The following ICE1 variants were observed in gnomAD, a reference collection of about 807,000 sequenced individuals.
ICE1 encodes little elongation complex subunit 1.
Under a neutral mutation model 192.7 loss-of-function variants are expected in ICE1, and 64 were observed. That is an observed-to-expected ratio of 0.33 (90% CI 0.27 to 0.41). ICE1 has a LOEUF of 0.41. Among genes scored for constraint, ICE1 ranks in the 10% least tolerant of loss-of-function variants. ICE1 has a pLI of 1.00. For synonymous variants in ICE1, 1,010 were observed against 984.5 expected (o/e 1.03, Z -0.49); for missense variants, 2,708 against 2,696.0 (o/e 1.00, Z -0.10).
chr5:5,440,625 T>G (rs1366038183), intron 4 of ICE1, among the ~76,000 whole-genome samples: 1 of 152,190 alleles, frequency 6.6e-6, no homozygotes, highest in African/African-American at 2.4e-5. Context: ...TAATAGCAAA[T>G]AGTACTATTT....
At chr5:5,430,855 G>C (rs1737685735) in intron 1 of ICE1, among the ~76,000 whole-genome samples, 1 of 152,198 alleles carries the variant, frequency 6.6e-6, no homozygotes, top group Non-Finnish European at 1.5e-5. Context: ...CCCTGATAAT[G>C]ATTGTATCTT....
chr5:5,463,776 A>G lies in ICE1; in HGVS notation c.4442A>G (p.Gln1481Arg). The part of the protein sequence containing the change: ...PEASHTGPAF[Q>R]EAPCGNNLSC... ...GCCAGTCACACTGGCCCTGCATTTC[A>G]GGAGGCTCCATGTGGCAATAATCTT... is the stretch of plus-strand genomic sequence containing the variant. Residue 1481 changes from glutamine (Q) to arginine (R), a missense_variant, in exon 13 of 19, where the codon CAG becomes CGG. Around this residue, in one of 2 missense-constraint regions of ICE1, gnomAD observed 2,366 missense variants for 2,276.6 expected, o/e 1.04. Coordinates refer to ENST00000296564, the MANE Select transcript of ICE1 (RefSeq NM_015325.3). 1 of 1,613,982 alleles carries G rather than the reference A, an allele frequency of 6.2e-7. No homozygotes were observed. Among genetic ancestry groups the G allele is most frequent in the Non-Finnish European group, 8.5e-7 (1 of 1,179,882 alleles).
rs1341873809 is a variant in ICE1 at position 5,462,561 on chromosome 5, G to A, written c.3227G>A (p.Cys1076Tyr). Reference sequence around the variant, plus strand: ...GACACTACTTTTTCTTCAGCATTTTGCAGAAAACATGGAGAGACACAGGAT... The same window carrying A: ...GACACTACTTTTTCTTCAGCATTTTACAGAAAACATGGAGAGACACAGGAT... ...TTDTTFSSAF[C>Y]RKHGETQDTS... Residue 1076 changes from cysteine to tyrosine, a missense_variant, in exon 13 of 19, where the codon TGC becomes TAC. Cys to Tyr is a radical substitution (Grantham distance 194). This residue lies in a region of ICE1 where 2,366 missense variants were observed against 2,276.6 expected (regional missense o/e 1.04). Coordinates refer to ENST00000296564, the MANE Select transcript of ICE1 (RefSeq NM_015325.3). 1 of 1,613,978 alleles carries A rather than the reference G, an allele frequency of 6.2e-7. No individual in the cohort carries two copies.
intron 5 of ICE1, among the ~76,000 whole-genome samples, chr5:5,442,357 T>G (rs1477130190): frequency 6.6e-6 from 1 of 152,252 alleles, no homozygotes; most frequent in African/African-American, 2.4e-5. Context: ...TCTGAGGTCT[T>G]ACGTGCTTTA....
Position 5,463,582 on chromosome 5 carries a change from A to G in ICE1, c.4248A>G (p.Leu1416=). 6.2e-7 allele frequency: 1 copy of G among 1,614,014 alleles called. No individual in the cohort carries two copies. Among genetic ancestry groups the G allele is most frequent in the Non-Finnish European group, 8.5e-7 (1 of 1,179,888 alleles). The change falls in exon 13 of 19, where the codon CTA becomes CTG. Residue 1416 remains leucine, a synonymous_variant. Coordinates refer to ENST00000296564, the MANE Select transcript of ICE1 (RefSeq NM_015325.3). The stretch of plus-strand genomic sequence containing the variant: ...TACTTATAAATAAGGATCAGAATCT[A>G]GTCATTGAAAAGGGGGACAACTGGA... ...INVLINKDQN[L]VIEKGDNWTI... is the part of the protein sequence containing the mutation.
chr5:5,465,244 T>A lies in ICE1; in HGVS notation c.5892+18T>A, dbSNP rs1170039363. The A allele has an allele frequency of 3.3e-6, 5 of 1,496,996 alleles. No homozygotes were observed. The highest frequency in any genetic ancestry group is 4.1e-5 in the Admixed American group (2 of 48,734). The allele number at this position is 1,496,996 out of a possible 1,614,324, so 92.7% of individuals were successfully genotyped here. On this transcript the variant is annotated intron_variant, in intron 13 of 18. Transcript: ENST00000296564. ...CAAAAAAGGTATGTGGCTGCTCTTT[T>A]CTAAGTGCATTAGGGATTACATGTC...
chr5:5,469,056 T>TG (rs1275500758), intron 15 of ICE1, 68 bp downstream of exon 15: 2 of 1,151,672 alleles, frequency 1.7e-6, no homozygotes, highest in Non-Finnish European at 2.3e-6. Flanking sequence ...ATTATTTTGT[T>TG]GTGTATTTAG....
At chr5:5,466,247 T>G in intron 13 of ICE1, 87 bp from the exon 14 acceptor site, 1 of 1,241,688 alleles carries the variant, frequency 8.1e-7, no homozygotes, top group Non-Finnish European at 1.1e-6. Flanking sequence ...CAATAGATAC[T>G]TAAGTTTTGT....
chr5:5,449,600 C>T (rs1738354689), intron 10 of ICE1, among the ~76,000 whole-genome samples: 1 of 152,164 alleles, frequency 6.6e-6, no homozygotes, highest in Non-Finnish European at 1.5e-5. Flanking sequence ...GCAGCTCTCA[C>T]AAAGTAAGTT....
At chr5:5,453,557 A>G (rs1738489916) in intron 10 of ICE1, among the ~76,000 whole-genome samples, 1 of 152,198 alleles carries the variant, frequency 6.6e-6, no homozygotes, top group South Asian at 2.1e-4. Flanking sequence ...AAGGTTAATT[A>G]AAAAACTTAA....
intron 14 of ICE1, among the ~76,000 whole-genome samples, chr5:5,467,132 TGA>T (rs1476821151): frequency 1.3e-5 from 2 of 152,192 alleles, no homozygotes; most frequent in African/African-American, 4.8e-5. Flanking sequence ...TCAGGATAAT[TGA>T]GTATATCCAT....
In ICE1 at chr5:5,460,785, C is replaced by A; in HGVS notation, c.1451C>A (p.Thr484Lys). 1 of 1,613,972 alleles carries A rather than the reference C, an allele frequency of 6.2e-7. No homozygotes were observed. The highest frequency in any genetic ancestry group is 1.6e-4 in the Middle Eastern group (1 of 6,062). Reference sequence around the variant, plus strand: ...AGAGACATTTTACATGAGACAAAAACACAAATGGAGGTTAGGGAGATGGAT... The same window carrying A: ...AGAGACATTTTACATGAGACAAAAAAACAAATGGAGGTTAGGGAGATGGAT... The part of the protein sequence containing the change: ...RKRDILHETK[T>K]QMEVREMDKS... The change falls in exon 13 of 19, where the codon ACA becomes AAA. Residue 484 changes from threonine to lysine, a missense_variant. Transcript: ENST00000296564.
rs368436599 is a variant in ICE1 at position 5,461,575 on chromosome 5, A to C, written c.2241A>C (p.Thr747=). The change falls in exon 13 of 19, where the codon ACA becomes ACC. Residue 747 remains threonine, a synonymous_variant. Transcript: ENST00000296564. ...CTCGGTCAGTATTTATGAAAGCTAC[A>C]AAAGATGGGCAATGTGAAAGTCAAG... is the stretch of plus-strand genomic sequence containing the variant. ...SLPRSVFMKA[T]KDGQCESQDP... is the part of the protein sequence containing the mutation. 94 of 1,613,150 alleles carry C rather than the reference A, an allele frequency of 5.8e-5. No homozygotes were observed. In the Middle Eastern group the frequency reaches 6.6e-4, roughly 11 times the overall value.
chr5:5,431,135 C>T (rs1388790647), intron 1 of ICE1, among the ~76,000 whole-genome samples: 1 of 152,072 alleles, frequency 6.6e-6, no homozygotes, highest in Non-Finnish European at 1.5e-5. Flanking sequence ...CCTGAGGTTT[C>T]TTCGGGGTCT....
At position 5,443,207 on chromosome 5, in the gene ICE1, G is replaced by A. The variant is rs373798799; in HGVS notation, c.349G>A (p.Ala117Thr). Residue 117 changes from alanine (A) to threonine (T), a missense_variant, in exon 6 of 19, where the codon GCT (alanine) becomes ACT (threonine). This residue lies in a region of ICE1 where 2,366 missense variants were observed against 2,276.6 expected (regional missense o/e 1.04). Coordinates refer to ENST00000296564, the MANE Select transcript of ICE1 (RefSeq NM_015325.3). ...KLYQDTHQEY[A>T]RVKEECLKSD... ...GTATCAGGATACTCATCAGGAATAT[G>A]CTCGTGTAAAGGAAGAATGCTTGAA... The A allele has an allele frequency of 2.8e-5, 43 of 1,515,000 alleles. No individual in the cohort carries two copies. The African/African-American group carries it at 3.9e-4, about 14-fold the overall frequency. The allele number at this position is 1,515,000 out of a possible 1,614,324, so 93.8% of individuals were successfully genotyped here. A position where few individuals can be genotyped will look rare whatever the true frequency, so the allele number is the denominator to read the frequency against.
Position 5,464,010 on chromosome 5 carries a change from C to T in ICE1, c.4676C>T (p.Ser1559Leu), listed in dbSNP as rs1413182172. The T allele has an allele frequency of 1.2e-6, 2 of 1,613,606 alleles. No individual in the cohort carries two copies. Among genetic ancestry groups the T allele is most frequent in the East Asian group, 4.5e-5 (2 of 44,878 alleles). Residue 1559 changes from serine to leucine, a missense_variant, in exon 13 of 19, where the codon TCA (serine) becomes TTA (leucine). Physicochemically the swap from Ser to Leu is moderately radical, Grantham distance 145. Around this residue, in one of 2 missense-constraint regions of ICE1, gnomAD observed 2,366 missense variants for 2,276.6 expected, o/e 1.04. Coordinates refer to ENST00000296564, the MANE Select transcript of ICE1 (RefSeq NM_015325.3). This position sits in a 1 kb window ranked among gnomAD's most constrained non-coding sequence, Gnocchi z 4.0. ...SGKNKNRSKI[S>L]NKDQSNKPVK... is the part of the protein sequence containing the mutation. The stretch of plus-strand genomic sequence containing the variant: ...AAAAATAAGAATCGATCAAAGATTT[C>T]AAACAAAGATCAGTCAAACAAACCA...
chr5:5,448,168 A>G (rs1050452669), intron 10 of ICE1, among the ~76,000 whole-genome samples: 2 of 152,214 alleles, frequency 1.3e-5, no homozygotes, highest in African/African-American at 4.8e-5. Context: ...TTTTCAATTA[A>G]TGAATACAGA....
rs188695080 is a variant in ICE1 at position 5,453,037 on chromosome 5, A to G, written c.605-1515A>G. Among the ~76,000 whole-genome samples the G allele has an allele frequency of 5.3e-5, 8 of 152,264 alleles. No individual in the cohort carries two copies. In the East Asian group the frequency reaches 1.2e-3, roughly 22 times the overall value. On this transcript the variant is annotated intron_variant, in intron 10 of 18. Coordinates refer to ENST00000296564, the MANE Select transcript of ICE1 (RefSeq NM_015325.3). ...TTTTGGGTCAGATTAGCAGTAATGA[A>G]TGCTCAGTTACAAAGGCATAGCTCT...
rs1739439966 is a variant in ICE1 at position 5,479,690 on chromosome 5, A to C, written c.6520+3611A>C. ...TTTACAATAGCAAAGACTTGGAACC[A>C]ACCCAAGTGTCCATCAGTGAGAGAC... On this transcript the variant is annotated intron_variant, in intron 17 of 18. Transcript: ENST00000296564. Among the ~76,000 whole-genome samples, 3 of 152,362 alleles carry C rather than the reference A, an allele frequency of 2.0e-5. No individual in the cohort carries two copies. The East Asian group carries it at 5.8e-4, about 29-fold the overall frequency.
Sources: gnomAD v4.1 joint callset for allele counts (sites outside exome capture counted in the v4.1 genomes callset) on GRCh38, gnomAD v4.1.1 for gene constraint, gnomAD v4.1.1 regional missense constraint, Gnocchi (gnomAD v3.1) non-coding constraint, MANE v1.5 for transcripts, NCBI Gene and HGNC (gene_info 2026-07-23, HGNC 2026-07-21) for gene names.